The following HACE1 variants were observed in gnomAD, a reference collection of about 807,000 sequenced individuals.
The protein encoded by HACE1 is E3 ubiquitin-protein ligase HACE1.
HACE1 carries 73 observed loss-of-function variants against 118.4 expected under a neutral mutation model. The observed-to-expected ratio is 0.62, with a 90% confidence interval of 0.51 to 0.75. The LOEUF (loss-of-function observed/expected upper bound fraction) is 0.75, where lower values mean the gene tolerates loss of function less well. Ranked by LOEUF, HACE1 falls within the 30% of genes least tolerant of loss-of-function variation. The pLI is 0.00. For missense variants in HACE1, 749 were observed against 1,102.2 expected (o/e 0.68, Z 4.54); for synonymous variants, 368 against 374.8 (o/e 0.98, Z 0.21).
intron 7 of HACE1, among the ~76,000 whole-genome samples, chr6:104,801,361 A>G (rs1770326161): frequency 6.6e-6 from 1 of 152,188 alleles, no homozygotes; most frequent in Non-Finnish European, 1.5e-5. Flanking sequence ...CAGGAAATAC[A>G]GAGAACGCCA....
chr6:104,787,077 A>G (rs1431530397), intron 11 of HACE1: 2 of 152,102 alleles, frequency 1.3e-5, no homozygotes, highest in Non-Finnish European at 2.9e-5. Flanking sequence ...TGAATTTGCA[A>G]ATAATTAAAT....
intron 14 of HACE1, among the ~76,000 whole-genome samples, chr6:104,781,549 C>T (rs1375065666): frequency 6.6e-6 from 1 of 152,166 alleles, no homozygotes; most frequent in African/African-American, 2.4e-5. Flanking sequence ...AAGGTTCCTT[C>T]TAATTTCCTC....
chr6:104,748,568 C>A (rs1184398189), intron 20 of HACE1, among the ~76,000 whole-genome samples: 1 of 152,154 alleles, frequency 6.6e-6, no homozygotes, highest in Non-Finnish European at 1.5e-5. Flanking sequence ...CCCAGCAATT[C>A]CACTCCAAGG....
rs566572740 is a variant in HACE1, at chr6:104,754,153, C to T, written c.2212-3681G>A. ...AGAATAGACCAAGCAGAGGAAAGAA[C>T]CTCAGAGCTTGAAGACTGTCCAAAA... On this transcript the variant is annotated intron_variant, in intron 19 of 23. Coordinates refer to ENST00000262903, the MANE Select transcript of HACE1 (RefSeq NM_020771.4). Among the ~76,000 whole-genome samples, 485 of 148,560 alleles carry T rather than the reference C, an allele frequency of 3.3e-3. 5 individuals are homozygous for T. Among genetic ancestry groups the T allele is most frequent in the African/African-American group, 0.012 (471 of 38,966 alleles).
At chr6:104,762,640 T>C (rs140447734) in intron 19 of HACE1, among the ~76,000 whole-genome samples, 19 of 152,134 alleles carry the variant, frequency 1.2e-4, no homozygotes, top group African/African-American at 4.1e-4. Flanking sequence ...ATGGCACGTG[T>C]ATACCTATGT....
chr6:104,817,510 G>A (rs1345686808), intron 6 of HACE1, among the ~76,000 whole-genome samples: 1 of 152,152 alleles, frequency 6.6e-6, no homozygotes, highest in Non-Finnish European at 1.5e-5. Flanking sequence ...TAAGCCTGCA[G>A]AACTGTGAGT....
chr6:104,839,425 G>C (rs777345102), intron 5 of HACE1, among the ~76,000 whole-genome samples: 6 of 152,136 alleles, frequency 3.9e-5, no homozygotes, highest in Non-Finnish European at 7.4e-5. Context: ...AATCCCCAAA[G>C]GTTCCATACA....
chr6:104,761,496 T>C (rs1162479459), intron 19 of HACE1, among the ~76,000 whole-genome samples: 3 of 152,348 alleles, frequency 2.0e-5, no homozygotes, highest in South Asian at 4.1e-4. Context: ...GCTAGCCATA[T>C]GCAGAAAACT....
chr6:104,843,102 C>T, intron 5 of HACE1, 121 bp downstream of exon 5: 1 of 723,550 alleles, frequency 1.4e-6, no homozygotes, highest in Non-Finnish European at 2.5e-6. Context: ...CAGAGCGAGA[C>T]TCTGTCTCAA....
chr6:104,739,436 G>C (rs921394621), intron 22 of HACE1, among the ~76,000 whole-genome samples: 1 of 151,990 alleles, frequency 6.6e-6, no homozygotes, highest in Admixed American at 6.6e-5. Context: ...CACGTGCAGA[G>C]ACACACATAG....
Position 104,859,787 on chromosome 6 carries a change from T to G in HACE1, c.-145A>C. On this transcript the variant is annotated 5_prime_UTR_variant, in exon 1 of 24. Transcript: ENST00000262903. ...AGAGCACTGAGCTGCGAGGGCTGCCTGGGGCCACGTCCTGCGTCCGGGGGC... is the reference window on the plus strand; with the variant it reads ...AGAGCACTGAGCTGCGAGGGCTGCCGGGGGCCACGTCCTGCGTCCGGGGGC... 1.4e-6 allele frequency: 1 copy of G among 701,698 alleles called. No homozygotes were observed. Among genetic ancestry groups the G allele is most frequent in the South Asian group, 2.0e-5 (1 of 50,246 alleles). 43.5% of individuals were successfully genotyped at this position (701,698 alleles called of 1,614,324 possible).
At chr6:104,789,947 T>C (rs1249242623) in intron 11 of HACE1, among the ~76,000 whole-genome samples, 1 of 151,658 alleles carries the variant, frequency 6.6e-6, no homozygotes, top group East Asian at 1.9e-4. Context: ...ATAATGTAGA[T>C]CAAAATTTTA....
chr6:104,849,387 A>T (rs1284068352), intron 3 of HACE1, 141 bp from the exon 4 acceptor site: 20 of 687,594 alleles, frequency 2.9e-5, no homozygotes, highest in African/African-American at 5.3e-5. Flanking sequence ...CCCATGCTGG[A>T]GTGCAGTGGC....
intron 14 of HACE1, among the ~76,000 whole-genome samples, chr6:104,778,800 C>T (rs371196435): frequency 5.3e-5 from 8 of 151,536 alleles, no homozygotes; most frequent in Non-Finnish European, 1.2e-4. Flanking sequence ...CAAACTGAGA[C>T]CTTATCTCTA....
At chr6:104,805,537 A>T (rs1024679026) in intron 7 of HACE1, among the ~76,000 whole-genome samples, 1 of 152,222 alleles carries the variant, frequency 6.6e-6, no homozygotes, top group African/African-American at 2.4e-5. Context: ...AAAAAGGAGG[A>T]GTTCATGTCC....
At chr6:104,734,474 A>G (rs1248519715) in intron 22 of HACE1, among the ~76,000 whole-genome samples, 4 of 152,198 alleles carry the variant, frequency 2.6e-5, no homozygotes, top group Non-Finnish European at 5.9e-5. Flanking sequence ...CTATACCTAT[A>G]CTAATGACTG....
At chr6:104,731,579 G>T (rs992753909) in intron 22 of HACE1, 1 of 152,038 alleles carries the variant, frequency 6.6e-6, no homozygotes, top group Non-Finnish European at 1.5e-5. Flanking sequence ...ATAATGAAAT[G>T]ATTTTCAACT....
At chr6:104,811,242 T>TATATATATATATATATATATATATATA (rs1177876499) in intron 7 of HACE1, 69 bp downstream of exon 7, 3 of 192,786 alleles carry the variant, frequency 1.6e-5, no homozygotes, top group African/African-American at 3.7e-5. Context: ...ATTTCTTTAT[T>TATATATATATATATATATATATATATA]TATACATATA....
intron 19 of HACE1, among the ~76,000 whole-genome samples, chr6:104,765,243 A>C (rs945732280): frequency 6.6e-6 from 1 of 152,210 alleles, no homozygotes; most frequent in Non-Finnish European, 1.5e-5. Flanking sequence ...CCACTGGTAT[A>C]AAATATTTTC....
Sources: gnomAD v4.1 joint callset for allele counts (sites outside exome capture counted in the v4.1 genomes callset) on GRCh38, gnomAD v4.1.1 for gene constraint, MANE v1.5 for transcripts, NCBI Gene and HGNC (gene_info 2026-07-23, HGNC 2026-07-21) for gene names.